The following RAB3IL1 variants were observed in gnomAD, a reference collection of about 807,000 sequenced individuals.
The protein encoded by RAB3IL1 is guanine nucleotide exchange factor for Rab-3A.
RAB3IL1 carries 37 observed loss-of-function variants against 49.2 expected under a neutral mutation model. The observed-to-expected ratio is 0.75, with a 90% CI of 0.58 to 0.99. RAB3IL1 has a LOEUF of 0.99. Among genes scored for constraint, RAB3IL1 ranks in the 50% least tolerant of loss-of-function variants. RAB3IL1 has a pLI of 0.00. For synonymous variants in RAB3IL1, 193 were observed against 213.9 expected, an observed-to-expected ratio of 0.90 and a Z score of 0.85; for missense variants, 484 against 513.0, an observed-to-expected ratio of 0.94 and a Z score of 0.55.
At chr11:61,945,242 G>T in the RAB3IL1 span, among the ~76,000 whole-genome samples, 7 of 152,338 alleles carry the variant, frequency 4.6e-5, no homozygotes, top group East Asian at 1.2e-3. Context: ...TTCCCCAGGG[G>T]TTGTTTTGAT....
the RAB3IL1 span, among the ~76,000 whole-genome samples, chr11:61,929,830 T>C: frequency 6.6e-6 from 1 of 151,102 alleles, no homozygotes; most frequent in Non-Finnish European, 1.5e-5. Flanking sequence ...AAGTGATCTG[T>C]CTGCCTCGGC....
intron 8 of RAB3IL1, among the ~76,000 whole-genome samples, chr11:61,901,816 A>G (rs1259213882): frequency 6.6e-6 from 1 of 152,384 alleles, no homozygotes; most frequent in African/African-American, 2.4e-5. Flanking sequence ...CAGTCTGCTG[A>G]CAGCTTACTG....
At chr11:61,939,665 A>G in the RAB3IL1 span, among the ~76,000 whole-genome samples, 2 of 152,068 alleles carry the variant, frequency 1.3e-5, no homozygotes, top group African/African-American at 4.8e-5. Flanking sequence ...TACTAAAGTT[A>G]GGAATAAGGC....
chr11:61,945,416 C>T, the RAB3IL1 span, among the ~76,000 whole-genome samples: 5 of 152,322 alleles, frequency 3.3e-5, no homozygotes, highest in African/African-American at 1.2e-4. Flanking sequence ...GGAAGCGAAC[C>T]GCAGGAGCAT....
At chr11:61,923,639 G>A (rs1288175866), upstream of RAB3IL1, among the ~76,000 whole-genome samples, 1 of 152,196 alleles carries the variant, frequency 6.6e-6, no homozygotes, top group African/African-American at 2.4e-5. Context: ...TTGACCCTGT[G>A]AACTTCCTCA....
At position 61,906,476 on chromosome 11, in the gene RAB3IL1, T is replaced by G. The variant is rs555339489; in HGVS notation, c.647A>C (p.Glu216Ala). The stretch of plus-strand genomic sequence containing the variant: ...GCTTCCCACCCTCACCTCCTTGCCC[T>G]CTCTGTCTGGGGTGAGGGTGTGTCC... ...AAGHTLTPDREGKEVDTILFA... is the reference protein window; with the variant it reads ...AAGHTLTPDRAGKEVDTILFA... Residue 216 changes from glutamate to alanine, a missense_variant, in exon 5 of 10, where the codon GAG (glutamate) becomes GCG (alanine). By Grantham distance (107) the Glu-to-Ala change is moderately radical. Coordinates refer to ENST00000394836, the MANE Select transcript of RAB3IL1 (RefSeq NM_013401.4). The surrounding 1 kb of genome is among the most constrained non-coding windows in gnomAD (Gnocchi z 4.6). The G allele has an allele frequency of 1.9e-6, 3 of 1,543,680 alleles. No individual in the cohort carries two copies. The highest frequency in any genetic ancestry group is 2.4e-5 in the South Asian group (2 of 84,030).
the RAB3IL1 span, among the ~76,000 whole-genome samples, chr11:61,927,003 C>T: frequency 6.6e-6 from 1 of 152,080 alleles, no homozygotes; most frequent in African/African-American, 2.4e-5. Flanking sequence ...GGCACTATGC[C>T]CCGCTAATTT....
At chr11:61,934,450 G>GTGTATGTATGTATATA in the RAB3IL1 span, among the ~76,000 whole-genome samples, 902 of 30,044 alleles carry the variant, frequency 0.03, 41 homozygotes, top group Non-Finnish European at 0.049. Context: ...GTGTGTGTAT[G>GTGTATGTATGTATATA]TATATATATA....
chr11:61,936,902 G>A, the RAB3IL1 span, among the ~76,000 whole-genome samples: 1 of 152,062 alleles, frequency 6.6e-6, no homozygotes, highest in African/African-American at 2.4e-5. Flanking sequence ...ATAAACTAAA[G>A]TCGAGAGAGT....
At chr11:61,925,951 C>T in the RAB3IL1 span, among the ~76,000 whole-genome samples, 3 of 151,996 alleles carry the variant, frequency 2.0e-5, no homozygotes, top group African/African-American at 7.3e-5. Flanking sequence ...AAATGGACAG[C>T]TGTGTGCATA....
intron 7 of RAB3IL1, among the ~76,000 whole-genome samples, chr11:61,903,022 C>T (rs1386178574): frequency 6.6e-6 from 1 of 152,102 alleles, no homozygotes; most frequent in Non-Finnish European, 1.5e-5. Context: ...CAACCAACCC[C>T]GTCTAAGAGC....
chr11:61,917,676 G>T, upstream of RAB3IL1: 2 of 636,442 alleles, frequency 3.1e-6, no homozygotes, highest in Non-Finnish European at 3.9e-6. Context: ...CCGGCCCGCC[G>T]CGCCGGGACA....
the RAB3IL1 span, among the ~76,000 whole-genome samples, chr11:61,933,882 C>T: frequency 6.6e-6 from 1 of 151,520 alleles, no homozygotes. Flanking sequence ...GAGGTGCAGG[C>T]GGCAATGAGC....
In RAB3IL1 at chr11:61,902,551, AG is replaced by A. The variant is rs1267238747; in HGVS notation, c.900-11del. 2 of 1,592,520 alleles carry A rather than the reference AG, an allele frequency of 1.3e-6. No individual in the cohort carries two copies. The highest frequency in any genetic ancestry group is 2.7e-5 in the African/African-American group (2 of 74,958). ...GCTCAGGGCACATGTGCTAGGGGAA[AG>A]CAAAATGGGTCACGGGGGCTGGCTG... On this transcript the variant is annotated splice_polypyrimidine_tract_variant and intron_variant, in intron 7 of 9. Transcript: ENST00000394836.
chr11:61,907,959 C>T, intron 2 of RAB3IL1, 95 bp downstream of exon 2: 2 of 1,506,288 alleles, frequency 1.3e-6, no homozygotes, highest in South Asian at 2.6e-5. Context: ...ATCCCTCTCC[C>T]TTGGGCACAT....
chr11:61,913,948 G>A (rs952715554), intron 1 of RAB3IL1, among the ~76,000 whole-genome samples: 1 of 152,088 alleles, frequency 6.6e-6, no homozygotes, highest in Non-Finnish European at 1.5e-5. Context: ...TCCTGATTAA[G>A]GAACAGCAGG....
Position 61,906,506 on chromosome 11 carries a change from G to A in RAB3IL1, c.617C>T (p.Ala206Val), listed in dbSNP as rs1318699584. 1.2e-5 allele frequency: 19 copies of A among 1,551,152 alleles called. No individual in the cohort carries two copies. The highest frequency in any genetic ancestry group is 4.1e-5 in the African/African-American group (3 of 73,384). The change falls in exon 5 of 10, where the codon GCT (alanine) becomes GTT (valine). Residue 206 changes from alanine to valine, a missense_variant. Ala to Val is a moderately conservative substitution (Grantham distance 64, BLOSUM62 0). Coordinates refer to ENST00000394836, the MANE Select transcript of RAB3IL1 (RefSeq NM_013401.4). The surrounding 1 kb of genome is among the most constrained non-coding windows in gnomAD (Gnocchi z 4.6). The part of the protein sequence containing the change: ...SSTLCPAVCP[A>V]AGHTLTPDRE... ...GTCTGGGGTGAGGGTGTGTCCCGCA[G>A]CGGGACACACGGCGGGGCAGAGGGT...
upstream of RAB3IL1, among the ~76,000 whole-genome samples, chr11:61,924,571 C>G (rs991032502): frequency 1.3e-5 from 2 of 152,092 alleles, no homozygotes; most frequent in Non-Finnish European, 2.9e-5. Flanking sequence ...TCTCTGGCTG[C>G]GAAGACCCAT....
Position 61,916,603 on chromosome 11 carries a change from T to C in RAB3IL1, c.11+754A>G, listed in dbSNP as rs186546845. 7.2e-5 allele frequency among the ~76,000 whole-genome samples: 11 copies of C among 152,332 alleles called. No homozygotes were observed. In the East Asian group the frequency reaches 2.1e-3, roughly 29 times the overall value. On this transcript the variant is annotated intron_variant, in intron 1 of 9. Transcript: ENST00000394836. ...GCACAGGAGTACAACCTGTCCCCCA[T>C]TCTGGCCACATTTCCTCCACGACCT...
Sources: gnomAD v4.1 joint callset for allele counts (sites outside exome capture counted in the v4.1 genomes callset) on GRCh38, gnomAD v4.1.1 for gene constraint, Gnocchi (gnomAD v3.1) non-coding constraint, MANE v1.5 for transcripts, NCBI Gene and HGNC (gene_info 2026-07-23, HGNC 2026-07-21) for gene names.